Variants in GARRE1 observed in about 807,000 individuals in gnomAD.
GARRE1 encodes the protein granule associated Rac and RHOG effector 1.
Under a neutral mutation model 103.2 loss-of-function variants are expected in GARRE1, and 49 were observed. The ratio of observed to expected loss-of-function variants is 0.47; its 90% CI spans 0.38 to 0.60. The LOEUF is 0.60. GARRE1 is among the 20% of genes least tolerant of loss of function. GARRE1 has a pLI of 0.00. For synonymous variants in GARRE1, 505 were observed against 532.8 expected (o/e 0.95, Z 0.72); for missense variants, 1,199 against 1,370.5 (o/e 0.87, Z 1.98).
At chr19:34,290,931 G>T (rs1262596185) in intron 1 of GARRE1, among the ~76,000 whole-genome samples, 2 of 96,680 alleles carry the variant, frequency 2.1e-5, no homozygotes, top group African/African-American at 8.6e-5. Context: ...TTTTGAGACA[G>T]AGTCTCACTC....
intron 3 of GARRE1, among the ~76,000 whole-genome samples, chr19:34,324,558 CG>C (rs1196797867): frequency 6.7e-6 from 1 of 148,830 alleles, no homozygotes; most frequent in Non-Finnish European, 1.5e-5. Context: ...GGCTGGAGTG[CG>C]GTAGTGATCA....
At chr19:34,295,297 A>C (rs1352298320) in intron 1 of GARRE1, among the ~76,000 whole-genome samples, 1 of 152,182 alleles carries the variant, frequency 6.6e-6, no homozygotes, top group Non-Finnish European at 1.5e-5. Context: ...CACTGTTCTT[A>C]CCAGGATTCA....
intron 2 of GARRE1, among the ~76,000 whole-genome samples, chr19:34,319,539 G>A (rs1301086411): frequency 6.6e-6 from 1 of 152,126 alleles, no homozygotes. Flanking sequence ...TCTGAATACT[G>A]TATGGACGTA....
rs1186146712 is a variant in GARRE1, at chr19:34,354,746, A to AC, written c.*1794dup. 6.6e-6 allele frequency: 1 copy of AC among 152,242 alleles called. No homozygotes were observed. The highest frequency in any genetic ancestry group is 1.5e-5 in the Non-Finnish European group (1 of 67,998). 9.4% of individuals were successfully genotyped at this position (152,242 alleles called of 1,614,324 possible). A position where few individuals can be genotyped will look rare whatever the true frequency, so the allele number is the denominator to read the frequency against. On this transcript the variant is annotated 3_prime_UTR_variant, in exon 14 of 14. Coordinates refer to ENST00000299505, the MANE Select transcript of GARRE1 (RefSeq NM_014686.5). The stretch of plus-strand genomic sequence containing the variant: ...TAAACACACACACTAATTTGAGAGG[A>AC]CCCGTAGGGTGTCTGAGCCCAGCCA...
chr19:34,284,904 A>C (rs1313349201), intron 1 of GARRE1, among the ~76,000 whole-genome samples: 1 of 152,216 alleles, frequency 6.6e-6, no homozygotes, highest in Non-Finnish European at 1.5e-5. Context: ...GATAATAATA[A>C]TAATTAGCTG....
chr19:34,339,621 A>G (rs2074176672), intron 8 of GARRE1, among the ~76,000 whole-genome samples: 1 of 152,210 alleles, frequency 6.6e-6, no homozygotes, highest in Admixed American at 6.5e-5. Flanking sequence ...CTGTATCAGG[A>G]ACTGGAGGCA....
chr19:34,344,532 A>G (rs866197653), intron 10 of GARRE1, among the ~76,000 whole-genome samples: 53 of 147,428 alleles, frequency 3.6e-4, no homozygotes, highest in African/African-American at 1.2e-3. Flanking sequence ...CGGAGCTTGC[A>G]GTGAGCCGAG....
At chr19:34,314,676 G>A (rs988887073) in intron 2 of GARRE1, among the ~76,000 whole-genome samples, 3 of 152,178 alleles carry the variant, frequency 2.0e-5, no homozygotes, top group African/African-American at 4.8e-5. Flanking sequence ...TTTCTCCCTC[G>A]TTTGTTCTAA....
At chr19:34,256,519 C>CA (rs573908708) in intron 1 of GARRE1, among the ~76,000 whole-genome samples, 7,896 of 106,550 alleles carry the variant, frequency 0.074, 696 homozygotes, top group African/African-American at 0.24. Context: ...GACTCCATCT[C>CA]AAAAAAAAAA....
Position 34,351,415 on chromosome 19 carries a change from A to G in GARRE1, c.2826-99A>G, listed in dbSNP as rs1004820599. ...GCAGGCCTCCTCCCCTCCTAGAACC[A>G]GGGCCTGGAGATGCTGGAGCCTAGC... On this transcript the variant is annotated intron_variant, in intron 12 of 13. Transcript: ENST00000299505. The G allele has an allele frequency of 5.8e-5, 54 of 930,552 alleles. No individual in the cohort carries two copies. In the Middle Eastern group the frequency reaches 6.8e-4, roughly 12 times the overall value. The allele number at this position is 930,552 out of a possible 1,614,324, so 57.6% of individuals were successfully genotyped here.
chr19:34,259,131 G>A (rs1568519366), intron 1 of GARRE1, among the ~76,000 whole-genome samples: 1 of 152,160 alleles, frequency 6.6e-6, no homozygotes, highest in Non-Finnish European at 1.5e-5. Flanking sequence ...TTGTGCCACT[G>A]CACTCCAGCC....
intron 1 of GARRE1, among the ~76,000 whole-genome samples, chr19:34,281,016 C>A (rs1033157160): frequency 8.6e-5 from 13 of 151,866 alleles, no homozygotes; most frequent in African/African-American, 2.9e-4. Flanking sequence ...TGATTTACTT[C>A]CAATTCAAAT....
intron 12 of GARRE1, 100 bp downstream of exon 12, chr19:34,349,253 C>T: frequency 1.6e-6 from 2 of 1,223,836 alleles, no homozygotes; most frequent in Non-Finnish European, 2.3e-6. Flanking sequence ...CACCTCCAGT[C>T]TCCCTGTGTG....
chr19:34,301,540 A>G (rs1307650501), intron 2 of GARRE1, among the ~76,000 whole-genome samples: 1 of 142,176 alleles, frequency 7.0e-6, no homozygotes, highest in Non-Finnish European at 1.5e-5. Context: ...AAAAAAAAAG[A>G]AAAATTATTA....
In GARRE1 at chr19:34,300,041, G is replaced by C. The variant is rs1309071923; in HGVS notation, c.-433G>C. ...TTTAAATTGCTGTTGATCAGCTTCT[G>C]GGTTTTTGGGTTCTAACTTTTTTGG... On this transcript the variant is annotated 5_prime_UTR_variant, in exon 2 of 14. Coordinates refer to ENST00000299505, the MANE Select transcript of GARRE1 (RefSeq NM_014686.5). The C allele has an allele frequency of 1.9e-5, 3 of 155,350 alleles. No homozygotes were observed. The highest frequency in any genetic ancestry group is 7.2e-5 in the African/African-American group (3 of 41,572). The allele number at this position is 155,350 out of a possible 1,614,324, so 9.6% of individuals were successfully genotyped here. A position where few individuals can be genotyped will look rare whatever the true frequency, so the allele number is the denominator to read the frequency against.
At chr19:34,284,424 C>T (rs1470720445) in intron 1 of GARRE1, among the ~76,000 whole-genome samples, 1 of 152,120 alleles carries the variant, frequency 6.6e-6, no homozygotes, top group Admixed American at 6.6e-5. Context: ...CATGTCTGGC[C>T]TTCGTGTAGT....
chr19:34,305,859 A>G (rs1234908605), intron 2 of GARRE1, among the ~76,000 whole-genome samples: 1 of 152,222 alleles, frequency 6.6e-6, no homozygotes, highest in African/African-American at 2.4e-5. Context: ...TTTTTTGTAC[A>G]TAATGGGCTG....
chr19:34,292,212 A>G (rs2073921953), intron 1 of GARRE1, among the ~76,000 whole-genome samples: 1 of 152,168 alleles, frequency 6.6e-6, no homozygotes, highest in Admixed American at 6.5e-5. Flanking sequence ...ATTTCATATC[A>G]GTAGACTCAT....
intron 1 of GARRE1, among the ~76,000 whole-genome samples, chr19:34,297,924 A>G (rs1294668389): frequency 6.6e-6 from 1 of 152,178 alleles, no homozygotes; most frequent in Non-Finnish European, 1.5e-5. Context: ...TTGTATCCAC[A>G]GTGTCCTTCT....
Sources: allele counts gnomAD v4.1 joint callset (sites outside exome capture counted in the v4.1 genomes callset), GRCh38; gene constraint gnomAD v4.1.1; transcripts MANE v1.5; gene names NCBI Gene and HGNC (gene_info 2026-07-23, HGNC 2026-07-21).